Variants in PACRG observed in about 807,000 individuals in gnomAD.
The protein encoded by PACRG is parkin coregulated gene protein.
Under a neutral mutation model 29.7 loss-of-function variants are expected in PACRG, and 29 were observed. The observed-to-expected ratio is 0.98, with a 90% CI of 0.73 to 1.33. The LOEUF (loss-of-function observed/expected upper bound fraction) is 1.33, where lower values mean the gene tolerates loss of function less well. PACRG is among the 40% of genes most tolerant of loss of function. The probability of loss-of-function intolerance (pLI) is 0.00; values close to 1 mark genes in which losing one functional copy is unlikely to be tolerated. For missense variants in PACRG, 279 were observed against 316.2 expected (o/e 0.88, Z 0.89); for synonymous variants, 116 against 118.7 (o/e 0.98, Z 0.15).
rs551682923 is a variant in PACRG at position 163,191,280 on chromosome 6, C to G, written c.613+101872C>G. Among the ~76,000 whole-genome samples, 12 of 152,264 alleles carry G rather than the reference C, an allele frequency of 7.9e-5. No individual in the cohort carries two copies. In the South Asian group the frequency reaches 2.5e-3, roughly 32 times the overall value. Reference sequence around the variant, plus strand: ...CATCCCTTCCCGCCACCCCCCAAACCTACTTCCTTCCCAGGCTTCAGATGA... The same window carrying G: ...CATCCCTTCCCGCCACCCCCCAAACGTACTTCCTTCCCAGGCTTCAGATGA... On this transcript the variant is annotated intron_variant, in intron 4 of 4. Transcript: ENST00000366888.
chr6:162,939,811 T>TC (rs1798491424), intron 2 of PACRG, among the ~76,000 whole-genome samples: 1 of 152,210 alleles, frequency 6.6e-6, no homozygotes, highest in African/African-American at 2.4e-5. Context: ...TAAGCAATAT[T>TC]TTAAATTCAT....
At chr6:163,004,737 TACACAC>T (rs146095540) in intron 2 of PACRG, among the ~76,000 whole-genome samples, 4 of 135,530 alleles carry the variant, frequency 3.0e-5, no homozygotes, top group Non-Finnish European at 6.1e-5. Context: ...TATATATATA[TACACAC>T]ACACACACAC....
chr6:162,803,354 A>G (rs1252009863), intron 1 of PACRG, among the ~76,000 whole-genome samples: 2 of 152,154 alleles, frequency 1.3e-5, no homozygotes, highest in African/African-American at 2.4e-5. Flanking sequence ...TGCAGGAACA[A>G]CCTGAGAGAC....
chr6:162,911,306 A>G (rs1157608338), intron 2 of PACRG, among the ~76,000 whole-genome samples: 2 of 152,184 alleles, frequency 1.3e-5, no homozygotes, highest in Non-Finnish European at 2.9e-5. Flanking sequence ...TTTTACCACA[A>G]GTGTTTTGAA....
Position 163,136,675 on chromosome 6 carries a change from A to G in PACRG, c.613+47267A>G, listed in dbSNP as rs1585255491. Among the ~76,000 whole-genome samples the G allele has an allele frequency of 2.0e-5, 3 of 152,276 alleles. No individual in the cohort carries two copies. In the East Asian group the frequency reaches 5.8e-4, roughly 29 times the overall value. Reference sequence around the variant, plus strand: ...CTCTGTAACATAATCTCTTAAATTTATTCATAGTTATAACGGAAACTGTTG... The same window carrying G: ...CTCTGTAACATAATCTCTTAAATTTGTTCATAGTTATAACGGAAACTGTTG... On this transcript the variant is annotated intron_variant, in intron 4 of 4. Transcript: ENST00000366888.
intron 2 of PACRG, among the ~76,000 whole-genome samples, chr6:162,958,898 G>T (rs1182127987): frequency 2.4e-3 from 97 of 40,158 alleles, no homozygotes; most frequent in African/African-American, 4.0e-3. Context: ...GAGAGAGAGA[G>T]AGAGAGAGAG....
intron 4 of PACRG, among the ~76,000 whole-genome samples, chr6:163,216,658 C>T (rs994124124): frequency 3.3e-4 from 50 of 152,150 alleles, no homozygotes; most frequent in Non-Finnish European, 5.4e-4. Flanking sequence ...ACCCAGCCCC[C>T]GTACACACAT....
At chr6:163,204,147 A>G (rs553274635) in intron 4 of PACRG, among the ~76,000 whole-genome samples, 166 of 152,350 alleles carry the variant, frequency 1.1e-3, no homozygotes, top group African/African-American at 3.9e-3. Flanking sequence ...AATCTTTGTC[A>G]TTTCATTTAT....
chr6:163,242,811 T>A (rs1782551365), intron 4 of PACRG, among the ~76,000 whole-genome samples: 1 of 152,256 alleles, frequency 6.6e-6, no homozygotes, highest in South Asian at 2.1e-4. Flanking sequence ...TTTTTCACTT[T>A]ACTTGAAAAG....
intron 2 of PACRG, among the ~76,000 whole-genome samples, chr6:162,861,835 T>C (rs942456371): frequency 1.3e-5 from 2 of 152,200 alleles, no homozygotes; most frequent in African/African-American, 4.8e-5. Flanking sequence ...CTAAATTTCC[T>C]CTTCCATTGG....
intron 2 of PACRG, among the ~76,000 whole-genome samples, chr6:162,829,776 G>A (rs1210048589): frequency 6.6e-6 from 1 of 152,250 alleles, no homozygotes; most frequent in East Asian, 1.9e-4. Context: ...CTTATGACCG[G>A]CTTTAGGAAA....
intron 4 of PACRG, among the ~76,000 whole-genome samples, chr6:163,226,985 AATG>A (rs1422690909): frequency 6.6e-6 from 1 of 152,204 alleles, no homozygotes; most frequent in African/African-American, 2.4e-5. Flanking sequence ...AAACCTTATA[AATG>A]ATGATGGTAC....
intron 2 of PACRG, among the ~76,000 whole-genome samples, chr6:162,820,646 T>TA (rs1165528974): frequency 5.7e-5 from 8 of 140,270 alleles, no homozygotes; most frequent in East Asian, 2.0e-4. Flanking sequence ...CTTAAGGATT[T>TA]TAAAAAAATA....
intron 4 of PACRG, among the ~76,000 whole-genome samples, chr6:163,284,806 G>A (rs1554240895): frequency 6.6e-6 from 1 of 151,924 alleles, no homozygotes; most frequent in Non-Finnish European, 1.5e-5. Context: ...CTCCCCTGTT[G>A]CCCCTGCTAA....
chr6:162,807,066 C>A (rs181380844), intron 1 of PACRG, among the ~76,000 whole-genome samples: 16 of 152,300 alleles, frequency 1.1e-4, no homozygotes, highest in Admixed American at 3.3e-4. Flanking sequence ...ACAAATCAAC[C>A]TCTACTAGCT....
At chr6:162,753,800 A>G (rs1203271816) in intron 1 of PACRG, among the ~76,000 whole-genome samples, 1 of 152,094 alleles carries the variant, frequency 6.6e-6, no homozygotes, top group Non-Finnish European at 1.5e-5. Flanking sequence ...ACCTTCTGCC[A>G]TGATTGTAAT....
chr6:163,152,696 C>T (rs1778148370), intron 4 of PACRG, among the ~76,000 whole-genome samples: 1 of 152,202 alleles, frequency 6.6e-6, no homozygotes, highest in Admixed American at 6.5e-5. Context: ...AAAATTGGCA[C>T]CAAAATCTGC....
intron 1 of PACRG, among the ~76,000 whole-genome samples, chr6:162,771,320 G>A (rs960719860): frequency 2.0e-5 from 3 of 152,286 alleles, no homozygotes; most frequent in Admixed American, 6.5e-5. Context: ...ACATAATGGA[G>A]GACAACGGGT....
intron 4 of PACRG, among the ~76,000 whole-genome samples, chr6:163,091,401 T>G (rs955606080): frequency 6.6e-6 from 1 of 152,218 alleles, no homozygotes; most frequent in Non-Finnish European, 1.5e-5. Context: ...AAATCCCTAG[T>G]AAGATTTTAT....
Sources: gnomAD v4.1 joint callset for allele counts (sites outside exome capture counted in the v4.1 genomes callset) on GRCh38, gnomAD v4.1.1 for gene constraint, MANE v1.5 for transcripts, NCBI Gene and HGNC (gene_info 2026-07-23, HGNC 2026-07-21) for gene names.